Variants in PSEN2 observed in about 807,000 individuals in gnomAD.
PSEN2 encodes the protein presenilin 2, also known as presenilin-2.
In PSEN2, 32 loss-of-function variants were observed where a neutral mutation model predicts 49.1. The observed-to-expected ratio is 0.65, with a 90% CI of 0.49 to 0.88. The LOEUF is 0.88. PSEN2 is among the 40% of genes least tolerant of loss of function. The probability of loss-of-function intolerance (pLI) is 0.00; values close to 1 mark genes in which losing one functional copy is unlikely to be tolerated. For synonymous variants in PSEN2, 255 were observed against 244.0 expected, an observed-to-expected ratio of 1.05 and a Z score of -0.42; for missense variants, 522 against 586.9, an observed-to-expected ratio of 0.89 and a Z score of 1.14.
At chr1:226,887,012 T>C (rs1250367475) in intron 6 of PSEN2, among the ~76,000 whole-genome samples, 1 of 151,798 alleles carries the variant, frequency 6.6e-6, no homozygotes, top group East Asian at 1.9e-4. Context: ...CGCTGGGAGG[T>C]TGGCAGATGG....
At chr1:226,871,596 A>G (rs1378983899) in intron 2 of PSEN2, among the ~76,000 whole-genome samples, 192 bp downstream of exon 2, 1 of 152,170 alleles carries the variant, frequency 6.6e-6, no homozygotes, top group African/African-American at 2.4e-5. Context: ...CATAGAGACG[A>G]TTGTAGACTA....
intron 12 of PSEN2, among the ~76,000 whole-genome samples, chr1:226,902,365 G>T (rs1662345378): frequency 6.6e-6 from 1 of 152,140 alleles, no homozygotes; most frequent in Non-Finnish European, 1.5e-5. Context: ...TGGCCTGGGG[G>T]TTGGGGACCC....
chr1:226,883,710 C>G lies in PSEN2; in HGVS notation c.147C>G (p.Ser49Arg). 1 of 1,613,864 alleles carries G rather than the reference C, an allele frequency of 6.2e-7. No homozygotes were observed. The highest frequency in any genetic ancestry group is 8.5e-7 in the Non-Finnish European group (1 of 1,179,966). Reference sequence around the variant, plus strand: ...CACGATGTGGTTTCCCACAGAGAAGCCAGGAGAACGAGGAGGACGGTGAGG... The same window carrying G: ...CACGATGTGGTTTCCCACAGAGAAGGCAGGAGAACGAGGAGGACGGTGAGG... ...EDGENTAQWRSQENEEDGEED... is the reference protein window; with the variant it reads ...EDGENTAQWRRQENEEDGEED... The change falls in exon 5 of 13, where the codon AGC (serine) becomes AGG (arginine). Residue 49 changes from serine to arginine, a missense_variant. Physicochemically the swap from Ser to Arg is moderately radical, Grantham distance 110. Coordinates refer to ENST00000366783, the MANE Select transcript of PSEN2 (RefSeq NM_000447.3).
At chr1:226,880,617 C>CGATCACTCAGCCTCTGGACAGG in intron 3 of PSEN2, 1 of 1,607,844 alleles carries the variant, frequency 6.2e-7, no homozygotes, top group Non-Finnish European at 8.5e-7. Flanking sequence ...CTCTGGACAG[C>CGATCACTCAGCCTCTGGACAGG]GATAACTCAG....
In PSEN2 at chr1:226,883,899, C is replaced by G; in HGVS notation, c.336C>G (p.Tyr112Ter). Residue 112 changes from tyrosine (Y) to a stop codon, truncating the protein, a stop_gained, in exon 5 of 13, where the codon TAC (tyrosine) becomes TAG (stop). Coordinates refer to ENST00000366783, the MANE Select transcript of PSEN2 (RefSeq NM_000447.3). LOFTEE classifies it high-confidence loss of function. The part of the protein sequence containing the change: ...VVATIKSVRF[Y>*]TEKNGQLIYT... ...CCACCATCAAGTCTGTGCGCTTCTA[C>G]ACAGAGAAGAATGGACAGCTGTGAG... 6.2e-7 allele frequency: 1 copy of G among 1,608,062 alleles called. No individual in the cohort carries two copies. The highest frequency in any genetic ancestry group is 8.5e-7 in the Non-Finnish European group (1 of 1,179,398).
intron 12 of PSEN2, 106 bp from the exon 13 acceptor site, chr1:226,895,318 C>T (rs1237459191): frequency 7.5e-6 from 10 of 1,342,144 alleles, no homozygotes; most frequent in East Asian, 7.3e-5. Flanking sequence ...CGCCGTTATC[C>T]GACTGGTCCT....
chr1:226,887,286 GC>G (rs1433780192), intron 6 of PSEN2, among the ~76,000 whole-genome samples: 1 of 152,158 alleles, frequency 6.6e-6, no homozygotes, highest in Non-Finnish European at 1.5e-5. Flanking sequence ...CCCAGAGGCA[GC>G]CCCTTCCCCT....
Position 226,878,653 on chromosome 1 carries a change from C to T in PSEN2, c.-21+3103C>T, listed in dbSNP as rs114194538. On this transcript the variant is annotated intron_variant, in intron 3 of 12. Coordinates refer to ENST00000366783, the MANE Select transcript of PSEN2 (RefSeq NM_000447.3). ...TGTGGCTTTTTAGGTACAGGGACTCCCAGAACTGCTCCTCCAGTCATAGCA... is the reference window on the plus strand; with the variant it reads ...TGTGGCTTTTTAGGTACAGGGACTCTCAGAACTGCTCCTCCAGTCATAGCA... Among the ~76,000 whole-genome samples, 1,406 of 152,230 alleles carry T rather than the reference C, an allele frequency of 9.2e-3. 11 individuals are homozygous for T. Among genetic ancestry groups the T allele is most frequent in the Non-Finnish European group, 0.016 (1,064 of 68,020 alleles).
chr1:226,891,729 TC>T lies in PSEN2; in HGVS notation c.971-12del. 2.5e-6 allele frequency: 4 copies of T among 1,606,670 alleles called. No individual in the cohort carries two copies. Among genetic ancestry groups the T allele is most frequent in the Non-Finnish European group, 3.4e-6 (4 of 1,173,292 alleles). On this transcript the variant is annotated splice_polypyrimidine_tract_variant and intron_variant, in intron 10 of 12. Transcript: ENST00000366783. The stretch of plus-strand genomic sequence containing the variant: ...CACGGTGATGACGGACATCTTCTCT[TC>T]CTGGACACCCAGAAGAAGACTCCTA...
chr1:226,893,464 A>G (rs1661895455), intron 11 of PSEN2, among the ~76,000 whole-genome samples: 2 of 152,206 alleles, frequency 1.3e-5, no homozygotes, highest in African/African-American at 4.8e-5. Flanking sequence ...AACAAGTGTC[A>G]GGGACCATTG....
At chr1:226,903,439 G>C (rs1038454610) in intron 12 of PSEN2, 1 of 152,204 alleles carries the variant, frequency 6.6e-6, no homozygotes, top group South Asian at 2.1e-4. Context: ...TAGCTGAGCT[G>C]CTTTTCCCCA....
At chr1:226,889,916 C>T in intron 8 of PSEN2, 119 bp from the exon 9 acceptor site, 1 of 825,026 alleles carries the variant, frequency 1.2e-6, no homozygotes, top group Non-Finnish European at 2.1e-6. Context: ...ATTTGGGATG[C>T]CAGCCCAGAG....
intron 8 of PSEN2, among the ~76,000 whole-genome samples, chr1:226,889,625 A>G (rs1204608383): frequency 2.6e-5 from 4 of 152,236 alleles, no homozygotes; most frequent in Non-Finnish European, 5.9e-5. Flanking sequence ...ACTGTTAAGC[A>G]CTGGACACGC....
chr1:226,872,905 C>A, intron 2 of PSEN2, among the ~76,000 whole-genome samples: 1 of 152,152 alleles, frequency 6.6e-6, no homozygotes, highest in Non-Finnish European at 1.5e-5. Context: ...AGGCTGGGTG[C>A]TGTGGCTCAT....
chr1:226,899,935 T>A (rs1400285645), downstream of PSEN2, among the ~76,000 whole-genome samples: 1 of 152,186 alleles, frequency 6.6e-6, no homozygotes, highest in Non-Finnish European at 1.5e-5. Context: ...TGGCCATTAG[T>A]CCCACGGCCA....
At chr1:226,889,087 G>A (rs201563376) in intron 8 of PSEN2, 38 bp downstream of exon 8, 21 of 1,570,300 alleles carry the variant, frequency 1.3e-5, no homozygotes, top group Middle Eastern at 2.1e-4. Context: ...CAGTGGGGGC[G>A]ATGTCCAGGG....
chr1:226,895,280 G>A, intron 12 of PSEN2, 144 bp from the exon 13 acceptor site: 1 of 901,652 alleles, frequency 1.1e-6, no homozygotes, highest in East Asian at 2.6e-5. Context: ...AGCTGTTGCA[G>A]GACCAGGGAA....
At chr1:226,902,821 C>T (rs754128385) in intron 12 of PSEN2, among the ~76,000 whole-genome samples, 1 of 152,130 alleles carries the variant, frequency 6.6e-6, no homozygotes, top group African/African-American at 2.4e-5. Flanking sequence ...CAAGGGCCTA[C>T]AGCTGCCAGC....
intron 3 of PSEN2, 107 bp from the exon 4 acceptor site, chr1:226,881,781 C>T: frequency 8.1e-7 from 1 of 1,236,762 alleles, no homozygotes; most frequent in Admixed American, 1.7e-5. Flanking sequence ...GCTTTTGGGG[C>T]AGGACTTGTG....
Sources: gnomAD v4.1 joint callset for allele counts (sites outside exome capture counted in the v4.1 genomes callset) on GRCh38, gnomAD v4.1.1 for gene constraint, MANE v1.5 for transcripts, NCBI Gene and HGNC (gene_info 2026-07-23, HGNC 2026-07-21) for gene names.